Variants in NCAPG observed in about 807,000 individuals in gnomAD.
The protein encoded by NCAPG is non-SMC condensin I complex subunit G, also known as condensin complex subunit 3.
In NCAPG, 69 loss-of-function variants were observed where a neutral mutation model predicts 113.1. The ratio of observed to expected loss-of-function variants is 0.61; its 90% CI spans 0.50 to 0.75. The LOEUF (loss-of-function observed/expected upper bound fraction) is 0.75. Ranked by LOEUF, NCAPG falls within the 30% of genes least tolerant of loss-of-function variation. NCAPG has a pLI of 0.00. For missense variants in NCAPG, 1,058 were observed against 1,177.0 expected (o/e 0.90, Z 1.48); for synonymous variants, 370 against 415.8 (o/e 0.89, Z 1.34).
At position 17,839,676 on chromosome 4, in the gene NCAPG, G is replaced by A. The variant is rs75479572; in HGVS notation, c.2467G>A (p.Ala823Thr). 3.3e-6 allele frequency: 5 copies of A among 1,512,326 alleles called. No individual in the cohort carries two copies. In the Admixed American group the frequency reaches 1.3e-4, roughly 39 times the overall value. The allele number at this position is 1,512,326 out of a possible 1,614,324, so 93.7% of individuals were successfully genotyped here. The change falls in exon 17 of 21, where the codon GCC becomes ACC. Residue 823 changes from alanine to threonine, a missense_variant and splice_region_variant. Ala to Thr is a moderately conservative substitution (Grantham distance 58). Coordinates refer to ENST00000251496, the MANE Select transcript of NCAPG (RefSeq NM_022346.5). ...PQAKTSQDYQ[A>T]LTVHDNLAMK... is the part of the protein sequence containing the mutation. ...AGAGAATTTTCTCTTAATTTTTTAG[G>A]CCTTAACAGTACATGACAATTTGGC...
chr4:17,817,914 C>G (rs1418913482), intron 6 of NCAPG, 25 bp from the exon 7 acceptor site: 1 of 1,570,856 alleles, frequency 6.4e-7, no homozygotes, highest in African/African-American at 1.4e-5. Flanking sequence ...CATGCTTTCT[C>G]TCACACTCTT....
intron 13 of NCAPG, among the ~76,000 whole-genome samples, chr4:17,831,560 G>A (rs1721870650): frequency 6.6e-6 from 1 of 152,116 alleles, no homozygotes; most frequent in Non-Finnish European, 1.5e-5. Context: ...AGAGGGAACT[G>A]TTTGGTTGAG....
intron 13 of NCAPG, 49 bp from the exon 14 acceptor site, chr4:17,834,248 CAA>C (rs748210968): frequency 5.0e-6 from 6 of 1,202,116 alleles, no homozygotes; most frequent in Non-Finnish European, 6.8e-6. Flanking sequence ...TAAACAGAAA[CAA>C]AACAGTTTAC....
In NCAPG at chr4:17,811,148, A is replaced by T; in HGVS notation, c.71A>T (p.Gln24Leu). The T allele has an allele frequency of 6.6e-7, 1 of 1,519,682 alleles. No homozygotes were observed. Among genetic ancestry groups the T allele is most frequent in the East Asian group, 2.7e-5 (1 of 36,384 alleles). The allele number at this position is 1,519,682 out of a possible 1,614,324, so 94.1% of individuals were successfully genotyped here. The change falls in exon 1 of 21, where the codon CAG (glutamine) becomes CTG (leucine). Residue 24 changes from glutamine (Q) to leucine (L), a missense_variant. Transcript: ENST00000251496. This position sits in a 1 kb window ranked among gnomAD's most constrained non-coding sequence, Gnocchi z 5.3. ...FRLAQQPHQN[Q>L]AKLVVALSRT... ...CTGGCGCAGCAGCCGCACCAGAACC[A>T]GGCGAAGCTGGTGGTGGCGCTGAGC...
intron 11 of NCAPG, among the ~76,000 whole-genome samples, chr4:17,827,760 GT>G (rs796602901): frequency 4.6e-4 from 62 of 133,806 alleles, no homozygotes; most frequent in South Asian, 1.4e-3. Flanking sequence ...AGGTTGTCAG[GT>G]TTTTTTTTTT....
chr4:17,835,195 G>A (rs1297487963), intron 14 of NCAPG, among the ~76,000 whole-genome samples: 3 of 152,090 alleles, frequency 2.0e-5, no homozygotes, highest in Non-Finnish European at 2.9e-5. Flanking sequence ...TGAGTTAGAA[G>A]TGATATAACA....
chr4:17,840,154 A>C lies in NCAPG; in HGVS notation c.2712A>C (p.Gln904His). Residue 904 changes from glutamine to histidine, a missense_variant, in exon 18 of 21, where the codon CAA (glutamine) becomes CAC (histidine). Transcript: ENST00000251496. ...AAGGAAATAAAGAATTTGGTGACCA[A>C]GCTGAAGCAGCACAGGATGCCACCT... ...LEKGNKEFGD[Q>H]AEAAQDATLT... is the part of the protein sequence containing the mutation. The C allele has an allele frequency of 6.2e-7, 1 of 1,612,160 alleles. No individual in the cohort carries two copies. The highest frequency in any genetic ancestry group is 8.5e-7 in the Non-Finnish European group (1 of 1,179,094).
At chr4:17,818,530 T>C (rs1467978790) in intron 7 of NCAPG, among the ~76,000 whole-genome samples, 2 of 152,196 alleles carry the variant, frequency 1.3e-5, no homozygotes, top group Admixed American at 1.3e-4. Context: ...TTGACTTTTA[T>C]GGCCACTAAA....
At chr4:17,839,866 A>G (rs765836287) in intron 17 of NCAPG, 29 bp downstream of exon 17, 1 of 1,563,128 alleles carries the variant, frequency 6.4e-7, no homozygotes, top group Non-Finnish European at 8.6e-7. Flanking sequence ...ACTCTAAATT[A>G]GTTTGTGTTT....
rs750006216 is a variant in NCAPG at position 17,813,064 on chromosome 4, A to G, written c.463A>G (p.Ile155Val). 3.7e-6 allele frequency: 6 copies of G among 1,614,088 alleles called. No individual in the cohort carries two copies. Among genetic ancestry groups the G allele is most frequent in the Non-Finnish European group, 5.1e-6 (6 of 1,179,954 alleles). Residue 155 changes from isoleucine to valine, a missense_variant, in exon 3 of 21, where the codon ATT (isoleucine) becomes GTT (valine). Transcript: ENST00000251496. ...CATGCTTATTAGATTGAAAGATAAG[A>G]TTCCAAATGTGAGAATACAGGCAGT... is the stretch of plus-strand genomic sequence containing the variant. ...KAMLIRLKDK[I>V]PNVRIQAVLA...
At chr4:17,823,529 T>C (rs2109051642) in intron 8 of NCAPG, 118 bp from the exon 9 acceptor site, 1 of 861,080 alleles carries the variant, frequency 1.2e-6, no homozygotes, top group East Asian at 2.7e-5. Flanking sequence ...CCTATTATAG[T>C]GATAAACCTA....
intron 16 of NCAPG, among the ~76,000 whole-genome samples, chr4:17,838,251 G>A (rs1722184608): frequency 6.6e-6 from 1 of 152,118 alleles, no homozygotes; most frequent in African/African-American, 2.4e-5. Flanking sequence ...AAGCTGGGTT[G>A]TTTTAATCCT....
In NCAPG at chr4:17,844,745, A is replaced by C. The variant is rs1016407351; in HGVS notation, c.*1320A>C. ...AAGGAAAAGTCTTAGAAACATAATA[A>C]GCTAAAATCCCATTCACACATGGCC... On this transcript the variant is annotated 3_prime_UTR_variant, in exon 21 of 21. Transcript: ENST00000251496. The C allele has an allele frequency of 1.3e-5, 2 of 152,470 alleles. No homozygotes were observed. The highest frequency in any genetic ancestry group is 2.9e-5 in the Non-Finnish European group (2 of 67,904). The allele number at this position is 152,470 out of a possible 1,614,324, so 9.4% of individuals were successfully genotyped here.
intron 7 of NCAPG, among the ~76,000 whole-genome samples, chr4:17,818,652 AT>A (rs1333329029): frequency 1.3e-5 from 2 of 152,200 alleles, no homozygotes; most frequent in East Asian, 3.8e-4. Flanking sequence ...AATAGGCTGG[AT>A]TTGATGCACG....
chr4:17,812,298 A>G lies in NCAPG; in HGVS notation c.189A>G (p.Pro63=), dbSNP rs141900948. Residue 63 remains proline (P), a synonymous_variant, in exon 2 of 21, where the codon CCA becomes CCG. Coordinates refer to ENST00000251496, the MANE Select transcript of NCAPG (RefSeq NM_022346.5). ...TTATGGTGGTCTATAAACGTGAACCAGCTGTGGAGAGGGTAATAGAATTTG... is the reference window on the plus strand; with the variant it reads ...TTATGGTGGTCTATAAACGTGAACCGGCTGTGGAGAGGGTAATAGAATTTG... The part of the protein sequence containing the change: ...KYVMVVYKRE[P]AVERVIEFAA... The G allele has an allele frequency of 2.5e-6, 4 of 1,613,694 alleles. No homozygotes were observed. The highest frequency in any genetic ancestry group is 3.4e-6 in the Non-Finnish European group (4 of 1,179,844).
intron 9 of NCAPG, among the ~76,000 whole-genome samples, chr4:17,824,308 A>G (rs1328918611): frequency 6.6e-6 from 1 of 152,140 alleles, no homozygotes; most frequent in Non-Finnish European, 1.5e-5. Context: ...TTTTTCTGGC[A>G]TAGCCAAAAA....
In NCAPG at chr4:17,813,245, G is replaced by C. The variant is rs1721070110; in HGVS notation, c.544+100G>C. ...ATGGTCTATACATTTGAAGAGTATA[G>C]GTAATTAATATATGATTCCGATTAA... On this transcript the variant is annotated intron_variant, in intron 3 of 20. Transcript: ENST00000251496. 1.8e-5 allele frequency: 17 copies of C among 925,508 alleles called. No individual in the cohort carries two copies. In the East Asian group the frequency reaches 4.4e-4, roughly 24 times the overall value. The allele number at this position is 925,508 out of a possible 1,614,324, so 57.3% of individuals were successfully genotyped here. A position where few individuals can be genotyped will look rare whatever the true frequency, so the allele number is the denominator to read the frequency against.
intron 12 of NCAPG, among the ~76,000 whole-genome samples, chr4:17,829,377 G>A (rs960679923): frequency 6.6e-6 from 1 of 152,166 alleles, no homozygotes; most frequent in Admixed American, 6.5e-5. Flanking sequence ...AATTTTAATA[G>A]TTTAGAGCTT....
rs1239978027 is a variant in NCAPG, at chr4:17,840,667, A to T, written c.2828A>T (p.Lys943Met). ...GGTGTAAAAGCAACCCAAGCATCAAAGTCTACTCAGCTAAAGACTAACAGA... is the reference window on the plus strand; with the variant it reads ...GGTGTAAAAGCAACCCAAGCATCAATGTCTACTCAGCTAAAGACTAACAGA... ...LRGVKATQAS[K>M]STQLKTNRGQ... Residue 943 changes from lysine (K) to methionine (M), a missense_variant, in exon 19 of 21, where the codon AAG becomes ATG. Coordinates refer to ENST00000251496, the MANE Select transcript of NCAPG (RefSeq NM_022346.5). 3.9e-6 allele frequency: 6 copies of T among 1,556,620 alleles called. No individual in the cohort carries two copies. The highest frequency in any genetic ancestry group is 5.2e-6 in the Non-Finnish European group (6 of 1,153,172).
Sources: allele counts gnomAD v4.1 joint callset (sites outside exome capture counted in the v4.1 genomes callset), GRCh38; gene constraint gnomAD v4.1.1; non-coding constraint Gnocchi (gnomAD v3.1); transcripts MANE v1.5; gene names NCBI Gene and HGNC (gene_info 2026-07-23, HGNC 2026-07-21).